Variants in TENM3 observed in about 807,000 individuals in gnomAD.
TENM3 encodes the protein teneurin transmembrane protein 3.
In TENM3, 63 loss-of-function variants were observed where a neutral mutation model predicts 255.1. The observed-to-expected ratio is 0.25, with a 90% confidence interval of 0.20 to 0.30. The LOEUF is 0.30. TENM3 is among the 10% of genes least tolerant of loss of function. The pLI, the probability that TENM3 is intolerant of heterozygous loss-of-function variation, is 1.00. For synonymous variants in TENM3, 1,306 were observed against 1,322.3 expected, an observed-to-expected ratio of 0.99 and a Z score of 0.27; for missense variants, 2,929 against 3,461.1, an observed-to-expected ratio of 0.85 and a Z score of 3.86.
intron 1 of TENM3, among the ~76,000 whole-genome samples, chr4:182,251,603 A>G (rs750105994): frequency 6.6e-6 from 1 of 152,146 alleles, no homozygotes; most frequent in Non-Finnish European, 1.5e-5. Context: ...CCCTTTTACA[A>G]CTCTGAACTT....
intron 12 of TENM3, among the ~76,000 whole-genome samples, chr4:182,692,168 T>G (rs148546584): frequency 2.7e-4 from 41 of 152,360 alleles, no homozygotes; most frequent in Non-Finnish European, 4.7e-4. Flanking sequence ...AAATTGGGCT[T>G]CTTCTTGCTT....
At chr4:181,944,157 C>T in the TENM3 span, among the ~76,000 whole-genome samples, 1 of 152,198 alleles carries the variant, frequency 6.6e-6, no homozygotes, top group East Asian at 1.9e-4. Context: ...AACTGGCTTG[C>T]TGGATTATGG....
At chr4:182,206,858 C>T (rs1483469001) in intron 1 of TENM3, among the ~76,000 whole-genome samples, 1 of 152,176 alleles carries the variant, frequency 6.6e-6, no homozygotes, top group African/African-American at 2.4e-5. Flanking sequence ...ATTCTCTAGA[C>T]TTCAAAATTC....
the TENM3 span, among the ~76,000 whole-genome samples, chr4:181,635,012 A>G: frequency 1.3e-5 from 2 of 152,156 alleles, no homozygotes; most frequent in East Asian, 1.9e-4. Context: ...TATTCTACTA[A>G]CAGACTTATA....
intron 8 of TENM3, among the ~76,000 whole-genome samples, 184 bp downstream of exon 8, chr4:182,680,060 A>G (rs1030942335): frequency 2.0e-5 from 3 of 152,174 alleles, no homozygotes; most frequent in East Asian, 1.9e-4. Context: ...CTGGGAGAAA[A>G]TATTTTCTGG....
chr4:182,549,585 T>C (rs1470557593), intron 3 of TENM3, among the ~76,000 whole-genome samples: 1 of 152,176 alleles, frequency 6.6e-6, no homozygotes, highest in African/African-American at 2.4e-5. Context: ...GTCCACCCAT[T>C]GTTCGAGTCA....
intron 22 of TENM3, among the ~76,000 whole-genome samples, chr4:182,767,057 G>A (rs77496650): frequency 0.024 from 3,590 of 152,228 alleles, 130 homozygotes; most frequent in African/African-American, 0.082. Flanking sequence ...TGATGTGGGC[G>A]TAGGCGACTG....
chr4:182,434,013 C>A lies in TENM3; in HGVS notation c.511+87084C>A, dbSNP rs374004019. Among the ~76,000 whole-genome samples, 33 of 151,912 alleles carry A rather than the reference C, an allele frequency of 2.2e-4. No individual in the cohort carries two copies. In the East Asian group the frequency reaches 2.7e-3, roughly 13 times the overall value. On this transcript the variant is annotated intron_variant, in intron 3 of 27. Coordinates refer to ENST00000511685, the MANE Select transcript of TENM3 (RefSeq NM_001080477.4). ...CTTGTAGTCCCTGCTGCTCGGGAGACTGAGGCAGAAGGATCCTTTGAATTT... is the reference window on the plus strand; with the variant it reads ...CTTGTAGTCCCTGCTGCTCGGGAGAATGAGGCAGAAGGATCCTTTGAATTT...
chr4:182,742,057 A>G (rs192017446), intron 18 of TENM3, among the ~76,000 whole-genome samples: 10 of 152,338 alleles, frequency 6.6e-5, no homozygotes, highest in Admixed American at 6.5e-4. Context: ...AATAGAATAT[A>G]TGCCGCTCTA....
At chr4:182,278,929 G>T (rs1284307901) in intron 1 of TENM3, among the ~76,000 whole-genome samples, 1 of 152,236 alleles carries the variant, frequency 6.6e-6, no homozygotes, top group Non-Finnish European at 1.5e-5. Flanking sequence ...TGCCACAGAA[G>T]AGGAGGCTCT....
At chr4:181,900,961 C>A in the TENM3 span, among the ~76,000 whole-genome samples, 1 of 152,182 alleles carries the variant, frequency 6.6e-6, no homozygotes, top group African/African-American at 2.4e-5. Context: ...CCGTCATTTT[C>A]TCCAAGGCAG....
chr4:182,052,177 G>A, the TENM3 span, among the ~76,000 whole-genome samples: 2 of 151,994 alleles, frequency 1.3e-5, no homozygotes, highest in African/African-American at 4.8e-5. Context: ...TACTTAAGTC[G>A]CCTCTTACAA....
the TENM3 span, among the ~76,000 whole-genome samples, chr4:181,564,668 G>T: frequency 6.6e-6 from 1 of 152,234 alleles, no homozygotes; most frequent in East Asian, 1.9e-4. Flanking sequence ...AGTGGACAGA[G>T]CAATTCTCTG....
At chr4:182,428,982 G>C (rs1366326262) in intron 3 of TENM3, among the ~76,000 whole-genome samples, 3 of 152,146 alleles carry the variant, frequency 2.0e-5, no homozygotes, top group Non-Finnish European at 4.4e-5. Context: ...GAAAGGTCCA[G>C]TATTTCCCAG....
At chr4:181,741,469 A>T in the TENM3 span, among the ~76,000 whole-genome samples, 1 of 151,716 alleles carries the variant, frequency 6.6e-6, no homozygotes, top group African/African-American at 2.4e-5. Context: ...AATATTTATT[A>T]GTTAAAAAAA....
At chr4:182,456,890 A>G (rs977174966) in intron 3 of TENM3, among the ~76,000 whole-genome samples, 1 of 152,188 alleles carries the variant, frequency 6.6e-6, no homozygotes, top group Non-Finnish European at 1.5e-5. Flanking sequence ...CCTTAAGAAC[A>G]AAAACAGCTG....
the TENM3 span, among the ~76,000 whole-genome samples, chr4:181,596,125 A>T: frequency 4.6e-5 from 7 of 152,242 alleles, no homozygotes; most frequent in Admixed American, 1.3e-4. Flanking sequence ...GACACAAAGC[A>T]GATGCTTAAT....
chr4:181,933,441 G>A, the TENM3 span, among the ~76,000 whole-genome samples: 64 of 152,178 alleles, frequency 4.2e-4, no homozygotes, highest in African/African-American at 1.4e-3. Flanking sequence ...TCACAACCAC[G>A]AACTGTTAAT....
the TENM3 span, among the ~76,000 whole-genome samples, chr4:181,498,495 A>G: frequency 6.6e-6 from 1 of 152,190 alleles, no homozygotes; most frequent in Admixed American, 6.5e-5. Flanking sequence ...ACGATGGTAA[A>G]GGATGCCACA....
Sources: allele counts gnomAD v4.1 joint callset (sites outside exome capture counted in the v4.1 genomes callset), GRCh38; gene constraint gnomAD v4.1.1; transcripts MANE v1.5; gene names NCBI Gene and HGNC (gene_info 2026-07-23, HGNC 2026-07-21).